Variants in SGSM1 observed in about 807,000 individuals in gnomAD.
SGSM1 encodes small G protein signaling modulator 1.
A neutral mutation model predicts 133.8 loss-of-function variants in SGSM1; 73 were observed. The observed-to-expected ratio is 0.55, with a 90% CI of 0.45 to 0.66. The LOEUF is 0.66. Ranked by LOEUF, SGSM1 falls within the 30% of genes least tolerant of loss-of-function variation. The pLI, the probability that SGSM1 is intolerant of heterozygous loss-of-function variation, is 0.00. For synonymous variants in SGSM1, 563 were observed against 573.0 expected (o/e 0.98, Z 0.25); for missense variants, 1,213 against 1,448.1 (o/e 0.84, Z 2.64).
chr22:24,843,803 G>C lies in SGSM1; in HGVS notation c.64-1094G>C, dbSNP rs370484640. ...TGGCACATTAGAGGCACTCAGGTGAGAATTCTTGAGCAAGGGAGTGCGCAG... is the reference window on the plus strand; with the variant it reads ...TGGCACATTAGAGGCACTCAGGTGACAATTCTTGAGCAAGGGAGTGCGCAG... On this transcript the variant is annotated intron_variant, in intron 2 of 24. Transcript: ENST00000400358. 6 of 152,222 alleles carry C rather than the reference G, an allele frequency of 3.9e-5. No individual in the cohort carries two copies. In the South Asian group the frequency reaches 8.3e-4, roughly 21 times the overall value. 9.4% of individuals were successfully genotyped at this position (152,222 alleles called of 1,614,324 possible). A position where few individuals can be genotyped will look rare whatever the true frequency, so the allele number is the denominator to read the frequency against.
intron 2 of SGSM1, among the ~76,000 whole-genome samples, chr22:24,832,937 C>G (rs1929201021): frequency 6.9e-6 from 1 of 144,736 alleles, no homozygotes; most frequent in African/African-American, 2.5e-5. Flanking sequence ...GTCTAAATTT[C>G]CTCTTTTTTT....
At chr22:24,872,633 A>G (rs952155351) in intron 12 of SGSM1, among the ~76,000 whole-genome samples, 5 of 152,226 alleles carry the variant, frequency 3.3e-5, no homozygotes, top group Non-Finnish European at 7.4e-5. Context: ...AAATTTTTAA[A>G]TTATGCCAGG....
chr22:24,912,048 C>A (rs2123734669), intron 21 of SGSM1, among the ~76,000 whole-genome samples: 1 of 125,748 alleles, frequency 8.0e-6, no homozygotes, highest in South Asian at 2.8e-4. Context: ...GAGCGAGATT[C>A]TGTCTTAAAA....
At chr22:24,905,079 T>C in intron 20 of SGSM1, 26 bp from the exon 21 acceptor site, 1 of 1,609,738 alleles carries the variant, frequency 6.2e-7, no homozygotes, top group Non-Finnish European at 8.5e-7. Flanking sequence ...ACGGCTGCCA[T>C]CATTGGCCCC....
At chr22:24,889,678 C>T (rs879640780) in intron 16 of SGSM1, among the ~76,000 whole-genome samples, 7 of 140,272 alleles carry the variant, frequency 5.0e-5, no homozygotes, top group Non-Finnish European at 7.6e-5. Context: ...GAGATAGAGT[C>T]TTGCTGTGTC....
At chr22:24,913,274 C>A (rs1933698973) in intron 22 of SGSM1, among the ~76,000 whole-genome samples, 1 of 125,230 alleles carries the variant, frequency 8.0e-6, no homozygotes. Context: ...GCCTGGGCGA[C>A]AGAGCAAGAC....
chr22:24,814,431 C>CA (rs1927944906), intron 2 of SGSM1, among the ~76,000 whole-genome samples: 1 of 151,992 alleles, frequency 6.6e-6, no homozygotes, highest in South Asian at 2.1e-4. Context: ...CCTAAGGTCT[C>CA]AGAGATTGTT....
At chr22:24,846,734 G>A (rs1601916662) in intron 3 of SGSM1, among the ~76,000 whole-genome samples, 2 of 152,114 alleles carry the variant, frequency 1.3e-5, no homozygotes, top group African/African-American at 4.8e-5. Context: ...CAAATGAAAA[G>A]TACTGCATAT....
At chr22:24,919,718 A>G (rs1201612193) in intron 23 of SGSM1, 108 bp from the exon 24 acceptor site, 9 of 1,285,056 alleles carry the variant, frequency 7.0e-6, no homozygotes, top group Non-Finnish European at 9.8e-6. Context: ...CACAGGCATA[A>G]GGCAAAACTT....
intron 2 of SGSM1, among the ~76,000 whole-genome samples, chr22:24,834,551 G>T (rs540603977): frequency 6.6e-6 from 1 of 152,270 alleles, no homozygotes; most frequent in South Asian, 2.1e-4. Context: ...AGTTTGCCGG[G>T]TACATGGAAT....
chr22:24,859,428 G>A (rs1000607437), intron 8 of SGSM1, among the ~76,000 whole-genome samples: 1 of 152,166 alleles, frequency 6.6e-6, no homozygotes, highest in Non-Finnish European at 1.5e-5. Flanking sequence ...AGGAACCTGG[G>A]GTCAGGGACC....
chr22:24,810,769 T>C (rs931815815), intron 2 of SGSM1, among the ~76,000 whole-genome samples: 2 of 151,962 alleles, frequency 1.3e-5, no homozygotes, highest in Admixed American at 6.6e-5. Flanking sequence ...AGGGCTGTAA[T>C]TGGGGAGCCA....
At chr22:24,817,704 C>T (rs1928187084) in intron 2 of SGSM1, among the ~76,000 whole-genome samples, 1 of 85,572 alleles carries the variant, frequency 1.2e-5, no homozygotes, top group Non-Finnish European at 3.2e-5. Flanking sequence ...ACCCAAATAC[C>T]CAAGTACGGT....
intron 2 of SGSM1, among the ~76,000 whole-genome samples, chr22:24,838,583 CTA>C (rs1929605664): frequency 6.6e-6 from 1 of 152,150 alleles, no homozygotes; most frequent in Admixed American, 6.6e-5. Flanking sequence ...GGGTCAATTT[CTA>C]TGTTTATCAA....
rs186232654 is a variant in SGSM1, at chr22:24,868,873, G to A, written c.1291+18G>A. 1.5e-4 allele frequency: 237 copies of A among 1,611,242 alleles called. No individual in the cohort carries two copies. The highest frequency in any genetic ancestry group is 1.0e-3 in the African/African-American group (78 of 74,960). On this transcript the variant is annotated intron_variant, in intron 12 of 24. Transcript: ENST00000400358. ...GGAATTCGGTGAGCTGCCCTGTCCC[G>A]GGCCCCGGGGAGTCACCTGCTAACT...
rs1212266254 is a variant in SGSM1 at position 24,855,686 on chromosome 22, A to G, written c.801+6A>G. ...ACAACGTTCTTGTTCAGCCGGTGAG[A>G]GGTTATCTTGGGCCTAGATCTTGCA... On this transcript the variant is annotated splice_donor_region_variant and intron_variant, in intron 8 of 24. Transcript: ENST00000400358. 1.2e-6 allele frequency: 2 copies of G among 1,613,946 alleles called. No homozygotes were observed. Among genetic ancestry groups the G allele is most frequent in the Middle Eastern group, 1.6e-4 (1 of 6,062 alleles).
Position 24,847,731 on chromosome 22 carries a change from G to A in SGSM1, c.237G>A (p.Lys79=), listed in dbSNP as rs567152408. ...CAGCCCTCTTTATGAAAGTGGGCAA[G>A]AACTTCCCGCCGGCTGAGGATCTGA... is the stretch of plus-strand genomic sequence containing the variant. The part of the protein sequence containing the change: ...KIAALFMKVG[K]NFPPAEDLSR... Residue 79 remains lysine (K), a synonymous_variant, in exon 4 of 25, where the codon AAG becomes AAA. Transcript: ENST00000400358. 1.2e-6 allele frequency: 2 copies of A among 1,613,964 alleles called. No homozygotes were observed. The highest frequency in any genetic ancestry group is 2.2e-5 in the East Asian group (1 of 44,884).
chr22:24,832,102 T>C (rs1201017506), intron 2 of SGSM1, among the ~76,000 whole-genome samples: 2 of 152,214 alleles, frequency 1.3e-5, no homozygotes, highest in Non-Finnish European at 2.9e-5. Flanking sequence ...AACACAGTCC[T>C]GGGGTTTGGA....
chr22:24,820,400 C>G (rs1275382214), intron 2 of SGSM1, among the ~76,000 whole-genome samples: 2 of 152,200 alleles, frequency 1.3e-5, no homozygotes, highest in Admixed American at 6.5e-5. Context: ...CTATTTATAG[C>G]AAGCCAGTGA....
Sources: gnomAD v4.1 joint callset for allele counts (sites outside exome capture counted in the v4.1 genomes callset) on GRCh38, gnomAD v4.1.1 for gene constraint, MANE v1.5 for transcripts, NCBI Gene and HGNC (gene_info 2026-07-23, HGNC 2026-07-21) for gene names.